The following ERMP1 variants were observed in gnomAD, a reference collection of about 807,000 sequenced individuals.
ERMP1 encodes the protein endoplasmic reticulum metallopeptidase 1, also known as Felix-ina.
In ERMP1, 86 loss-of-function variants were observed where a neutral mutation model predicts 92.0. That is an observed-to-expected ratio of 0.93 (90% confidence interval 0.79 to 1.12). The LOEUF (loss-of-function observed/expected upper bound fraction) is 1.12, where lower values mean the gene tolerates loss of function less well. Ranked by LOEUF, ERMP1 falls within the 50% of genes most tolerant of loss-of-function variation. The pLI, the probability that ERMP1 is intolerant of heterozygous loss-of-function variation, is 0.00. For synonymous variants in ERMP1, 530 were observed against 412.8 expected, an observed-to-expected ratio of 1.28 and a Z score of -3.44; for missense variants, 1,342 against 1,116.3, an observed-to-expected ratio of 1.20 and a Z score of -2.88.
At chr9:5,789,903 C>G (rs184943941) in intron 13 of ERMP1, among the ~76,000 whole-genome samples, 1 of 145,814 alleles carries the variant, frequency 6.9e-6, no homozygotes, top group Non-Finnish European at 1.5e-5. Context: ...AGGCTGGTCT[C>G]GAGCTCCTGG....
At position 5,790,448 on chromosome 9, in the gene ERMP1, A is replaced by G. The variant is rs139590742; in HGVS notation, c.2387-2855T>C. ...CTGAGGCCAAATGTATGAGTAATAAAAATTAATGTAAATAAACCTAACTTA... is the reference window on the plus strand; with the variant it reads ...CTGAGGCCAAATGTATGAGTAATAAGAATTAATGTAAATAAACCTAACTTA... On this transcript the variant is annotated intron_variant, in intron 13 of 14. Coordinates refer to ENST00000339450, the MANE Select transcript of ERMP1 (RefSeq NM_024896.3). Among the ~76,000 whole-genome samples the G allele has an allele frequency of 3.4e-3, 520 of 152,368 alleles. 4 individuals carry two copies. Among genetic ancestry groups the G allele is most frequent in the African/African-American group, 0.012 (499 of 41,598 alleles).
chr9:5,816,498 T>C (rs976343709), intron 4 of ERMP1, among the ~76,000 whole-genome samples: 5 of 152,210 alleles, frequency 3.3e-5, no homozygotes, highest in African/African-American at 1.2e-4. Context: ...TATATAAATA[T>C]TCCTGGATTC....
At chr9:5,852,271 T>G (rs576814412) in intron 6 of ERMP1, among the ~76,000 whole-genome samples, 33 of 148,542 alleles carry the variant, frequency 2.2e-4, no homozygotes, top group Admixed American at 5.4e-4. Flanking sequence ...TGTTTTTTTG[T>G]TTTTTTTTTC....
chr9:5,857,386 G>A (rs1415145423), intron 6 of ERMP1, among the ~76,000 whole-genome samples: 1 of 152,160 alleles, frequency 6.6e-6, no homozygotes, highest in Non-Finnish European at 1.5e-5. Context: ...GTTTGCCTCG[G>A]CTGGGCACGT....
rs991489241 is a variant in ERMP1 at position 5,833,082 on chromosome 9, G to A, written c.-55C>T. On this transcript the variant is annotated 5_prime_UTR_variant, in exon 1 of 15. Transcript: ENST00000339450. ...GCCCCAACCCGCGACAGCCCCGGCC[G>A]CCGCCGACGCCGCCGTCGCTGCCGC... is the stretch of plus-strand genomic sequence containing the variant. 16 of 1,349,942 alleles carry A rather than the reference G, an allele frequency of 1.2e-5. No individual in the cohort carries two copies. Among genetic ancestry groups the A allele is most frequent in the African/African-American group, 9.2e-5 (6 of 65,120 alleles). 83.6% of individuals were successfully genotyped at this position (1,349,942 alleles called of 1,614,324 possible).
At chr9:5,816,812 T>C (rs1048369746) in intron 4 of ERMP1, among the ~76,000 whole-genome samples, 4 of 151,938 alleles carry the variant, frequency 2.6e-5, no homozygotes, top group African/African-American at 9.7e-5. Flanking sequence ...AGTGGTCACA[T>C]GACCTGTCCA....
chr9:5,866,728 TGG>T (rs912296663), intron 5 of ERMP1, among the ~76,000 whole-genome samples: 10 of 152,128 alleles, frequency 6.6e-5, no homozygotes, highest in African/African-American at 2.2e-4. Context: ...AAAATCTGAG[TGG>T]CGATGAGAGG....
intron 6 of ERMP1, among the ~76,000 whole-genome samples, chr9:5,841,451 G>A (rs1830162385): frequency 6.6e-6 from 1 of 152,212 alleles, no homozygotes; most frequent in African/African-American, 2.4e-5. Context: ...CAGGGCAGAG[G>A]CGAGAATGGA....
intron 10 of ERMP1, among the ~76,000 whole-genome samples, chr9:5,803,245 ATAATT>A (rs1230231002): frequency 1.3e-5 from 2 of 152,236 alleles, no homozygotes; most frequent in Non-Finnish European, 2.9e-5. Flanking sequence ...AAGTAAGAAA[ATAATT>A]AAAAGAGTGA....
At chr9:5,796,127 A>G (rs1326835703) in intron 13 of ERMP1, among the ~76,000 whole-genome samples, 2 of 152,166 alleles carry the variant, frequency 1.3e-5, no homozygotes, top group Non-Finnish European at 2.9e-5. Flanking sequence ...TTAAAATATC[A>G]TTTCTTCCCA....
chr9:5,831,021 G>A lies in ERMP1; in HGVS notation c.346C>T (p.Leu116Phe). The A allele has an allele frequency of 6.2e-7, 1 of 1,608,976 alleles. No individual in the cohort carries two copies. Among genetic ancestry groups the A allele is most frequent in the Non-Finnish European group, 8.5e-7 (1 of 1,176,708 alleles). ...GGGCCAATGGAGGTTATGTGTTCAAGATAATCCCTGGAAGTAACCAAAAGA... is the reference window on the plus strand; with the variant it reads ...GGGCCAATGGAGGTTATGTGTTCAAAATAATCCCTGGAAGTAACCAAAAGA... ...EFDALQARDY[L>F]EHITSIGPRT... The change falls in exon 2 of 15, where the codon CTT becomes TTT. Residue 116 changes from leucine to phenylalanine, a missense_variant. Leu to Phe is a conservative substitution (Grantham distance 22). Transcript: ENST00000339450.
chr9:5,849,396 A>G (rs1280506065), intron 6 of ERMP1, among the ~76,000 whole-genome samples: 1 of 152,192 alleles, frequency 6.6e-6, no homozygotes, highest in Non-Finnish European at 1.5e-5. Flanking sequence ...TTCATTTTAC[A>G]GATGAGCAAC....
intron 5 of ERMP1, among the ~76,000 whole-genome samples, chr9:5,863,893 T>C (rs1177051003): frequency 6.6e-6 from 1 of 152,196 alleles, no homozygotes; most frequent in Non-Finnish European, 1.5e-5. Context: ...ACCTATATCA[T>C]TTTTAGTGAC....
chr9:5,827,335 C>A (rs1477738539), intron 2 of ERMP1, among the ~76,000 whole-genome samples: 3 of 152,010 alleles, frequency 2.0e-5, no homozygotes, highest in Non-Finnish European at 4.4e-5. Context: ...AAGACACTAA[C>A]ACTAACAATC....
At chr9:5,802,064 A>T (rs1397914280) in intron 10 of ERMP1, among the ~76,000 whole-genome samples, 1 of 152,214 alleles carries the variant, frequency 6.6e-6, no homozygotes, top group Non-Finnish European at 1.5e-5. Flanking sequence ...CCATTTGGGG[A>T]AACTTTTATG....
intron 4 of ERMP1, among the ~76,000 whole-genome samples, chr9:5,821,363 C>A (rs1317382734): frequency 6.6e-6 from 1 of 152,196 alleles, no homozygotes; most frequent in Non-Finnish European, 1.5e-5. Context: ...TGCTCACCAT[C>A]CAGCTAGGAG....
At chr9:5,804,971 T>C in intron 10 of ERMP1, 56 bp downstream of exon 10, 1 of 1,364,974 alleles carries the variant, frequency 7.3e-7, no homozygotes, top group Non-Finnish European at 1.0e-6. Flanking sequence ...CTAGTATGGC[T>C]AAATTCATAT....
intron 10 of ERMP1, among the ~76,000 whole-genome samples, chr9:5,801,531 C>G (rs1176941775): frequency 6.6e-6 from 1 of 152,144 alleles, no homozygotes; most frequent in Non-Finnish European, 1.5e-5. Flanking sequence ...TAGAAAATGA[C>G]AGATGCCTCC....
intron 13 of ERMP1, among the ~76,000 whole-genome samples, chr9:5,796,968 C>CG (rs547424916): frequency 6.6e-5 from 10 of 152,014 alleles, no homozygotes; most frequent in Admixed American, 1.3e-4. Context: ...AGAGGAAAAT[C>CG]GGGGGGCAGG....
Sources: gnomAD v4.1 joint callset for allele counts (sites outside exome capture counted in the v4.1 genomes callset) on GRCh38, gnomAD v4.1.1 for gene constraint, MANE v1.5 for transcripts, NCBI Gene and HGNC (gene_info 2026-07-23, HGNC 2026-07-21) for gene names.